Variants in SMARCAD1 observed in about 807,000 individuals in gnomAD.
SMARCAD1 encodes the protein SWI/SNF-related matrix-associated actin-dependent regulator of chromatin subfamily A containing DEAD/H box 1.
SMARCAD1 carries 25 observed loss-of-function variants against 127.1 expected under a neutral mutation model. That is an observed-to-expected ratio of 0.20 (90% confidence interval 0.14 to 0.27). The LOEUF (loss-of-function observed/expected upper bound fraction) is 0.27, where lower values mean the gene tolerates loss of function less well. Ranked by LOEUF, SMARCAD1 falls within the 10% of genes least tolerant of loss-of-function variation. SMARCAD1 has a pLI of 1.00. For synonymous variants in SMARCAD1, 400 were observed against 396.9 expected (o/e 1.01, Z -0.09); for missense variants, 807 against 1,206.0 (o/e 0.67, Z 4.90).
At chr4:94,283,738 C>T (rs538341548) in intron 22 of SMARCAD1, among the ~76,000 whole-genome samples, 32 of 151,222 alleles carry the variant, frequency 2.1e-4, no homozygotes, top group African/African-American at 6.6e-4. Context: ...GGCAGGAGAA[C>T]GGCGTGAACC....
chr4:94,237,056 G>A, intron 5 of SMARCAD1, 38 bp downstream of exon 5: 1 of 1,503,936 alleles, frequency 6.6e-7, no homozygotes, highest in Non-Finnish European at 9.2e-7. Context: ...TCGATTTATT[G>A]TTACGTCATA....
intron 10 of SMARCAD1, among the ~76,000 whole-genome samples, chr4:94,265,449 A>G (rs1258110196): frequency 1.3e-5 from 2 of 151,910 alleles, no homozygotes; most frequent in Admixed American, 6.6e-5. Flanking sequence ...AATAGATCAT[A>G]TAAGTCTACA....
rs571393054 is a variant in SMARCAD1, at chr4:94,291,033, C to T, written c.*1499C>T. ...CCATTACAGGGCTAAAAGGAGTCTTCATGTGTTAATACTACCTCCTTGTAC... is the reference window on the plus strand; with the variant it reads ...CCATTACAGGGCTAAAAGGAGTCTTTATGTGTTAATACTACCTCCTTGTAC... On this transcript the variant is annotated 3_prime_UTR_variant, in exon 24 of 24. Coordinates refer to ENST00000354268, the MANE Select transcript of SMARCAD1 (RefSeq NM_020159.5). 4.5e-5 allele frequency: 20 copies of T among 440,142 alleles called. 1 individual carries two copies. In the Middle Eastern group the frequency reaches 3.0e-3, roughly 66 times the overall value. The allele number at this position is 440,142 out of a possible 1,614,324, so 27.3% of individuals were successfully genotyped here.
intron 8 of SMARCAD1, among the ~76,000 whole-genome samples, chr4:94,252,411 A>G (rs908741926): frequency 1.3e-5 from 2 of 152,246 alleles, no homozygotes; most frequent in Admixed American, 1.3e-4. Context: ...CATTTTAAAA[A>G]CAAGTTATCA....
chr4:94,232,988 A>G (rs761991845), intron 3 of SMARCAD1, among the ~76,000 whole-genome samples: 20 of 152,208 alleles, frequency 1.3e-4, no homozygotes, highest in Non-Finnish European at 2.6e-4. Flanking sequence ...TCAAAAAAAG[A>G]AAAAACACAC....
chr4:94,268,315 A>AT (rs1222090100), intron 10 of SMARCAD1, among the ~76,000 whole-genome samples: 1 of 152,140 alleles, frequency 6.6e-6, no homozygotes. Flanking sequence ...TTGACAGTTA[A>AT]ATAGACTCTT....
chr4:94,222,191 G>A (rs1744246507), intron 2 of SMARCAD1, among the ~76,000 whole-genome samples: 1 of 152,142 alleles, frequency 6.6e-6, no homozygotes, highest in Non-Finnish European at 1.5e-5. Context: ...AATTTCTCCA[G>A]TGTTGTCAAC....
chr4:94,222,235 A>G (rs1385976198), intron 2 of SMARCAD1, among the ~76,000 whole-genome samples: 2 of 152,214 alleles, frequency 1.3e-5, no homozygotes, highest in African/African-American at 2.4e-5. Context: ...TTGAAATGAC[A>G]TGTTTTTCAT....
chr4:94,209,229 T>C (rs1741788845), intron 2 of SMARCAD1, among the ~76,000 whole-genome samples: 1 of 152,228 alleles, frequency 6.6e-6, no homozygotes, highest in African/African-American at 2.4e-5. Flanking sequence ...AGGAATATAT[T>C]TGAGCTCTTG....
At chr4:94,245,112 A>T (rs1748215549) in intron 6 of SMARCAD1, among the ~76,000 whole-genome samples, 1 of 152,224 alleles carries the variant, frequency 6.6e-6, no homozygotes, top group Non-Finnish European at 1.5e-5. Flanking sequence ...AGAATTTGAT[A>T]CTTCAGAGAA....
chr4:94,257,160 ATTAT>A (rs1750228866), intron 9 of SMARCAD1, among the ~76,000 whole-genome samples: 1 of 152,172 alleles, frequency 6.6e-6, no homozygotes, highest in African/African-American at 2.4e-5. Flanking sequence ...TTTTCATGTA[ATTAT>A]TCAGGAAGTA....
At chr4:94,283,857 T>C (rs1441570752) in intron 22 of SMARCAD1, among the ~76,000 whole-genome samples, 4 of 151,650 alleles carry the variant, frequency 2.6e-5, no homozygotes, top group African/African-American at 9.7e-5. Flanking sequence ...TGTCTACCCC[T>C]TTGAAAAAGA....
intron 4 of SMARCAD1, among the ~76,000 whole-genome samples, chr4:94,235,820 A>G (rs1294497077): frequency 6.6e-6 from 1 of 152,088 alleles, no homozygotes; most frequent in Non-Finnish European, 1.5e-5. Context: ...AATGTAGTTC[A>G]GAGTTTTTTT....
intron 2 of SMARCAD1, 60 bp from the exon 3 acceptor site, chr4:94,226,059 T>A: frequency 7.3e-7 from 1 of 1,364,670 alleles, no homozygotes; most frequent in Non-Finnish European, 1.0e-6. Flanking sequence ...TGATTATAAC[T>A]AACAACAGAT....
chr4:94,275,796 C>CTTTTATTTTATTTTATTTTAT (rs1553920714), intron 14 of SMARCAD1, among the ~76,000 whole-genome samples: 20 of 85,376 alleles, frequency 2.3e-4, no homozygotes, highest in East Asian at 1.7e-3. Flanking sequence ...TTAACATTTT[C>CTTTTATTTTATTTTATTTTAT]TTTTTTTTTT....
chr4:94,270,009 TTCTCAGGGATTAG>T (rs890002240), intron 10 of SMARCAD1, among the ~76,000 whole-genome samples: 16 of 152,074 alleles, frequency 1.1e-4, no homozygotes, highest in South Asian at 4.2e-4. Context: ...AAACAATTCA[TTCTCAGGGATTAG>T]TCTGTTTATA....
intron 20 of SMARCAD1, 82 bp downstream of exon 20, chr4:94,280,862 T>A (rs571604879): frequency 1.1e-4 from 148 of 1,297,174 alleles, no homozygotes; most frequent in Non-Finnish European, 1.6e-4. Context: ...CTGACTTGCT[T>A]GAATTAGCCT....
chr4:94,251,561 G>A (rs534426425), intron 8 of SMARCAD1, among the ~76,000 whole-genome samples: 5 of 152,270 alleles, frequency 3.3e-5, no homozygotes, highest in African/African-American at 1.2e-4. Context: ...AGTCAGAAGA[G>A]CCATGTTATG....
At position 94,213,019 on chromosome 4, in the gene SMARCAD1, A is replaced by C. The variant is rs1267822194; in HGVS notation, c.190+4435A>C. The C allele has an allele frequency of 5.8e-6, 7 of 1,207,838 alleles. No individual in the cohort carries two copies. The South Asian group carries it at 8.8e-5, about 15-fold the overall frequency. 74.8% of individuals were successfully genotyped at this position (1,207,838 alleles called of 1,614,324 possible). Reference sequence around the variant, plus strand: ...ACATTATTTCTCCTTTTTTTCTTTGACTTTTGGGAGTACAGTGAGTTTGGA... The same window carrying C: ...ACATTATTTCTCCTTTTTTTCTTTGCCTTTTGGGAGTACAGTGAGTTTGGA... On this transcript the variant is annotated intron_variant, in intron 2 of 23. Transcript: ENST00000354268.
Sources: allele counts gnomAD v4.1 joint callset (sites outside exome capture counted in the v4.1 genomes callset), GRCh38; gene constraint gnomAD v4.1.1; transcripts MANE v1.5; gene names NCBI Gene and HGNC (gene_info 2026-07-23, HGNC 2026-07-21).